Variants in DLC1 observed in about 807,000 individuals in gnomAD.
The protein encoded by DLC1 is DLC1 Rho GTPase activating protein.
DLC1 carries 54 observed loss-of-function variants against 140.3 expected under a neutral mutation model. That is an observed-to-expected ratio of 0.38 (90% CI 0.31 to 0.48). DLC1 has a LOEUF of 0.48. Ranked by LOEUF, DLC1 falls within the 20% of genes least tolerant of loss-of-function variation. The pLI, the probability that DLC1 is intolerant of heterozygous loss-of-function variation, is 0.96. For missense variants in DLC1, 2,536 were observed against 1,907.0 expected (o/e 1.33, Z -6.14); for synonymous variants, 986 against 728.1 (o/e 1.35, Z -5.70).
intron 5 of DLC1, among the ~76,000 whole-genome samples, chr8:13,244,849 T>C (rs904384830): frequency 6.6e-6 from 1 of 152,238 alleles, no homozygotes; most frequent in African/African-American, 2.4e-5. Flanking sequence ...TGTTAATTCA[T>C]ATTCCCTCTC....
intron 2 of DLC1, among the ~76,000 whole-genome samples, chr8:13,406,626 A>G (rs966257364): frequency 3.3e-5 from 5 of 152,076 alleles, no homozygotes; most frequent in African/African-American, 7.2e-5. Flanking sequence ...CTCATATGAC[A>G]TGTTTTCAAA....
At chr8:13,251,034 C>G (rs923861439) in intron 5 of DLC1, among the ~76,000 whole-genome samples, 1 of 152,200 alleles carries the variant, frequency 6.6e-6, no homozygotes, top group African/African-American at 2.4e-5. Flanking sequence ...AGTCCAAGAT[C>G]AAGGTACCCT....
chr8:13,515,652 A>G (rs1427269813), upstream of DLC1: 1 of 152,176 alleles, frequency 6.6e-6, no homozygotes, highest in African/African-American at 2.4e-5. Context: ...TTTGTGAACT[A>G]TCATCTGTTT....
Position 13,116,069 on chromosome 8 carries a change from C to T in DLC1, c.1349-412G>A, listed in dbSNP as rs140716502. The T allele has an allele frequency of 3.5e-4, 321 of 914,884 alleles. 3 individuals carry two copies. The highest frequency in any genetic ancestry group is 5.5e-4 in the Middle Eastern group (1 of 1,808). The allele number at this position is 914,884 out of a possible 1,614,324, so 56.7% of individuals were successfully genotyped here. A position where few individuals can be genotyped will look rare whatever the true frequency, so the allele number is the denominator to read the frequency against. On this transcript the variant is annotated intron_variant, in intron 5 of 17. Transcript: ENST00000276297. ...AGGCCACAAAGTACCTCCACCACCA[C>T]GCTAAAATAGAATTTATCTGAGTAA...
chr8:13,545,780 T>C (rs754898365), intron 1 of DLC1, among the ~76,000 whole-genome samples: 1 of 152,156 alleles, frequency 6.6e-6, no homozygotes, highest in Non-Finnish European at 1.5e-5. Context: ...TCCTATCTTT[T>C]GTTTGTGATG....
intron 2 of DLC1, among the ~76,000 whole-genome samples, chr8:13,406,838 C>T (rs1000741118): frequency 1.3e-5 from 2 of 152,126 alleles, no homozygotes; most frequent in African/African-American, 4.8e-5. Context: ...ACAGGCTATT[C>T]TTAATGGAAT....
intron 5 of DLC1, among the ~76,000 whole-genome samples, chr8:13,177,168 C>A (rs1426475057): frequency 6.6e-6 from 1 of 152,064 alleles, no homozygotes; most frequent in East Asian, 1.9e-4. Context: ...CAATGATATA[C>A]CAGCCATTGA....
chr8:13,329,061 T>C (rs1833486559), intron 4 of DLC1, among the ~76,000 whole-genome samples: 1 of 152,142 alleles, frequency 6.6e-6, no homozygotes, highest in African/African-American at 2.4e-5. Flanking sequence ...GATCCAGACA[T>C]TGATTCATCC....
intron 1 of DLC1, among the ~76,000 whole-genome samples, chr8:13,575,430 T>G (rs1014811826): frequency 6.6e-6 from 1 of 151,880 alleles, no homozygotes; most frequent in Admixed American, 6.6e-5. Context: ...TTTATTATAA[T>G]TAGGGGGTGG....
intron 1 of DLC1, among the ~76,000 whole-genome samples, chr8:13,571,251 T>C (rs1396049656): frequency 6.6e-6 from 1 of 152,172 alleles, no homozygotes; most frequent in Non-Finnish European, 1.5e-5. Context: ...CTTGAACTGT[T>C]ATTAATAGTA....
At chr8:13,140,784 C>T (rs1822922943) in intron 5 of DLC1, among the ~76,000 whole-genome samples, 1 of 151,986 alleles carries the variant, frequency 6.6e-6, no homozygotes, top group African/African-American at 2.4e-5. Context: ...GGGCTTGACC[C>T]CAGAAAGGCG....
At chr8:13,132,154 G>A (rs1362308558) in intron 5 of DLC1, among the ~76,000 whole-genome samples, 1 of 151,908 alleles carries the variant, frequency 6.6e-6, no homozygotes, top group East Asian at 1.9e-4. Flanking sequence ...TCCCCAAGGG[G>A]GCATTTCAGG....
chr8:13,300,628 AG>A (rs1401604977), intron 5 of DLC1, among the ~76,000 whole-genome samples: 1 of 152,112 alleles, frequency 6.6e-6, no homozygotes, highest in Non-Finnish European at 1.5e-5. Flanking sequence ...AGGGAGAAGT[AG>A]GGCAGAGGGT....
chr8:13,370,166 C>T (rs1303375356), intron 4 of DLC1, among the ~76,000 whole-genome samples: 2 of 151,724 alleles, frequency 1.3e-5, no homozygotes, highest in Non-Finnish European at 2.9e-5. Context: ...GTCTAAAGGC[C>T]ACAGCTCACC....
intron 1 of DLC1, among the ~76,000 whole-genome samples, chr8:13,542,469 T>C (rs1045444688): frequency 6.6e-6 from 1 of 151,740 alleles, no homozygotes; most frequent in African/African-American, 2.4e-5. Flanking sequence ...TAAGTCTGAT[T>C]TTTTTTTTCC....
At chr8:13,432,618 C>T (rs147555866) in intron 2 of DLC1, among the ~76,000 whole-genome samples, 142 of 152,312 alleles carry the variant, frequency 9.3e-4, no homozygotes, top group African/African-American at 3.2e-3. Flanking sequence ...TGGAAAATCT[C>T]TTCTGCCCAT....
intron 11 of DLC1, 40 bp downstream of exon 11, chr8:13,095,046 A>G: frequency 3.7e-6 from 6 of 1,613,490 alleles, no homozygotes; most frequent in Non-Finnish European, 5.1e-6. Flanking sequence ...ATGTAATCCG[A>G]GCTCCCCTGA....
intron 2 of DLC1, among the ~76,000 whole-genome samples, chr8:13,458,307 C>T (rs148951440): frequency 1.3e-5 from 2 of 152,252 alleles, no homozygotes; most frequent in African/African-American, 4.8e-5. Flanking sequence ...GAAACTTTAA[C>T]CTTGCTCCAT....
At chr8:13,452,962 C>T (rs115508192) in intron 2 of DLC1, among the ~76,000 whole-genome samples, 1,647 of 152,172 alleles carry the variant, frequency 0.011, 40 homozygotes, top group African/African-American at 0.037. Context: ...TAGTAGCTCA[C>T]AGTTTCTTGT....
Sources: allele counts gnomAD v4.1 joint callset (sites outside exome capture counted in the v4.1 genomes callset), GRCh38; gene constraint gnomAD v4.1.1; transcripts MANE v1.5; gene names NCBI Gene and HGNC (gene_info 2026-07-23, HGNC 2026-07-21).